Variants in SLC24A3 observed in about 807,000 individuals in gnomAD.
SLC24A3 encodes solute carrier family 24 member 3.
A neutral mutation model predicts 75.8 loss-of-function variants in SLC24A3; 28 were observed. That is an observed-to-expected ratio of 0.37 (90% CI 0.27 to 0.51). SLC24A3 has a LOEUF of 0.51. Ranked by LOEUF, SLC24A3 falls within the 20% of genes least tolerant of loss-of-function variation. SLC24A3 has a pLI of 0.94. For synonymous variants in SLC24A3, 372 were observed against 334.1 expected (o/e 1.11, Z -1.24); for missense variants, 663 against 847.8 (o/e 0.78, Z 2.71).
At position 19,565,983 on chromosome 20, in the gene SLC24A3, C is replaced by A. The variant is rs6081663; in HGVS notation, c.349-14017C>A. Reference sequence around the variant, plus strand: ...TTGGTTATTGGGAAAGTGAAATGAGCTAATGCATATCAAGCACTGAGCCCA... The same window carrying A: ...TTGGTTATTGGGAAAGTGAAATGAGATAATGCATATCAAGCACTGAGCCCA... On this transcript the variant is annotated intron_variant, in intron 3 of 16. Transcript: ENST00000328041. Among the ~76,000 whole-genome samples the A allele has an allele frequency of 2.6e-5, 4 of 152,210 alleles. No homozygotes were observed. The East Asian group carries it at 5.8e-4, about 22-fold the overall frequency.
intron 2 of SLC24A3, among the ~76,000 whole-genome samples, chr20:19,451,394 G>C (rs1172992801): frequency 1.3e-5 from 2 of 152,178 alleles, no homozygotes; most frequent in African/African-American, 4.8e-5. Context: ...GCCCCGGTGG[G>C]CTTTCTTATC....
intron 15 of SLC24A3, among the ~76,000 whole-genome samples, chr20:19,707,109 A>T (rs2032939655): frequency 6.6e-6 from 1 of 152,202 alleles, no homozygotes; most frequent in Non-Finnish European, 1.5e-5. Flanking sequence ...AAGCAAGAGC[A>T]CAAGAAGACG....
chr20:19,706,654 A>G (rs1284090773), intron 15 of SLC24A3, among the ~76,000 whole-genome samples: 2 of 152,110 alleles, frequency 1.3e-5, no homozygotes. Context: ...ATGAAACTAG[A>G]GACAGAGAAG....
At chr20:19,325,777 CATAT>C (rs1164485509) in intron 2 of SLC24A3, among the ~76,000 whole-genome samples, 14 of 58,406 alleles carry the variant, frequency 2.4e-4, no homozygotes, top group Non-Finnish European at 3.7e-4. Context: ...TATATATATA[CATAT>C]ATATATATAT....
At position 19,597,797 on chromosome 20, in the gene SLC24A3, C is replaced by T. The variant is rs114702761; in HGVS notation, c.612+12253C>T. Reference sequence around the variant, plus strand: ...CTCCATGAGATTAACTATTTTAGCTCCTACATATGAATGAGAACATGAGAT... The same window carrying T: ...CTCCATGAGATTAACTATTTTAGCTTCTACATATGAATGAGAACATGAGAT... On this transcript the variant is annotated intron_variant, in intron 6 of 16. Transcript: ENST00000328041. Among the ~76,000 whole-genome samples the T allele has an allele frequency of 8.9e-3, 1,354 of 152,260 alleles. 21 individuals are homozygous for T. The highest frequency in any genetic ancestry group is 0.031 in the African/African-American group (1,275 of 41,532).
intron 9 of SLC24A3, among the ~76,000 whole-genome samples, chr20:19,676,325 T>C (rs919132113): frequency 2.6e-5 from 4 of 152,200 alleles, no homozygotes; most frequent in African/African-American, 9.7e-5. Flanking sequence ...ATGAGGTGTG[T>C]TTCTGCTGAT....
intron 15 of SLC24A3, among the ~76,000 whole-genome samples, chr20:19,701,501 A>G (rs1006446089): frequency 8.5e-5 from 13 of 152,218 alleles, no homozygotes; most frequent in Admixed American, 7.9e-4. Context: ...TCAAACTTGC[A>G]TATCATGGTC....
chr20:19,590,334 C>T (rs927369850), intron 6 of SLC24A3, among the ~76,000 whole-genome samples: 3 of 151,972 alleles, frequency 2.0e-5, no homozygotes, highest in African/African-American at 4.8e-5. Context: ...CAGCTTACCC[C>T]GTACACCTTG....
intron 2 of SLC24A3, among the ~76,000 whole-genome samples, chr20:19,373,059 C>T (rs56044447): frequency 0.45 from 62,850 of 139,746 alleles, 13,382 homozygotes; most frequent in Middle Eastern, 0.57. Context: ...TTTAGTTTTG[C>T]GATTTTTTTT....
At chr20:19,410,902 C>T (rs1986732376) in intron 2 of SLC24A3, among the ~76,000 whole-genome samples, 1 of 152,178 alleles carries the variant, frequency 6.6e-6, no homozygotes, top group Non-Finnish European at 1.5e-5. Context: ...GCTCAGTGGG[C>T]TCACATTCAG....
intron 2 of SLC24A3, among the ~76,000 whole-genome samples, chr20:19,460,184 C>T (rs1489668761): frequency 1.3e-4 from 20 of 152,092 alleles, no homozygotes; most frequent in Non-Finnish European, 2.1e-4. Context: ...GGCACCTAAG[C>T]GTGGGCGACT....
At chr20:19,318,992 C>T (rs140670337) in intron 2 of SLC24A3, among the ~76,000 whole-genome samples, 38 of 152,156 alleles carry the variant, frequency 2.5e-4, no homozygotes, top group African/African-American at 6.7e-4. Flanking sequence ...GAAGAAAGTT[C>T]GAGAAGGATC....
chr20:19,695,640 A>G (rs190106999), intron 13 of SLC24A3: 4 of 152,350 alleles, frequency 2.6e-5, no homozygotes, highest in Admixed American at 6.5e-5. Flanking sequence ...GTACCCATTA[A>G]GTAATTTCTC....
chr20:19,425,850 T>C (rs919824518), intron 2 of SLC24A3, among the ~76,000 whole-genome samples: 8 of 152,196 alleles, frequency 5.3e-5, no homozygotes, highest in Non-Finnish European at 1.2e-4. Flanking sequence ...TTGTCCCAAA[T>C]TGGGCCAGTG....
chr20:19,314,843 T>C (rs1297435479), intron 2 of SLC24A3, among the ~76,000 whole-genome samples: 1 of 152,246 alleles, frequency 6.6e-6, no homozygotes, highest in African/African-American at 2.4e-5. Flanking sequence ...TGTCTGGACA[T>C]GAGTTACCGA....
intron 2 of SLC24A3, among the ~76,000 whole-genome samples, chr20:19,358,018 C>T (rs1200236279): frequency 6.6e-6 from 1 of 152,208 alleles, no homozygotes; most frequent in Non-Finnish European, 1.5e-5. Flanking sequence ...TTACCACCAC[C>T]GTAGGTCCAA....
chr20:19,675,402 T>TA, intron 9 of SLC24A3, among the ~76,000 whole-genome samples: 1 of 152,348 alleles, frequency 6.6e-6, no homozygotes, highest in Middle Eastern at 3.4e-3. Context: ...TGACAAAAGT[T>TA]AATTCTGGTG....
Position 19,714,777 on chromosome 20 carries a change from G to A in SLC24A3, c.1720-2751G>A, listed in dbSNP as rs995091112. Reference sequence around the variant, plus strand: ...TAGAATTTCAGCCACACTGTTCTTCGAGATTTCATGTGAACATAGGAAGAG... The same window carrying A: ...TAGAATTTCAGCCACACTGTTCTTCAAGATTTCATGTGAACATAGGAAGAG... On this transcript the variant is annotated intron_variant, in intron 15 of 16. Transcript: ENST00000328041. 4.6e-5 allele frequency among the ~76,000 whole-genome samples: 7 copies of A among 152,188 alleles called. 1 individual carries two copies. The highest frequency in any genetic ancestry group is 3.9e-4 in the Admixed American group (6 of 15,284).
chr20:19,400,376 T>C (rs983352962), intron 2 of SLC24A3, among the ~76,000 whole-genome samples: 1 of 152,176 alleles, frequency 6.6e-6, no homozygotes. Flanking sequence ...GGCTAATTAT[T>C]ACCCACTTCT....
Sources: gnomAD v4.1 joint callset for allele counts (sites outside exome capture counted in the v4.1 genomes callset) on GRCh38, gnomAD v4.1.1 for gene constraint, MANE v1.5 for transcripts, NCBI Gene and HGNC (gene_info 2026-07-23, HGNC 2026-07-21) for gene names.